GLIS3: variants seen among roughly 807,000 people sequenced by gnomAD.
GLIS3 encodes GLIS family zinc finger 3, also known as zinc finger protein GLIS3.
Under a neutral mutation model 78.6 loss-of-function variants are expected in GLIS3, and 53 were observed. The observed-to-expected ratio is 0.67, with a 90% CI of 0.54 to 0.85. GLIS3 has a LOEUF of 0.85. GLIS3 is among the 40% of genes least tolerant of loss of function. The probability of loss-of-function intolerance (pLI) is 0.00; values close to 1 mark genes in which losing one functional copy is unlikely to be tolerated. For synonymous variants in GLIS3, 684 were observed against 509.9 expected, an observed-to-expected ratio of 1.34 and a Z score of -4.60; for missense variants, 1,703 against 1,231.1, an observed-to-expected ratio of 1.38 and a Z score of -5.74.
At chr9:3,904,491 A>G (rs1474768760) in intron 6 of GLIS3, among the ~76,000 whole-genome samples, 1 of 152,166 alleles carries the variant, frequency 6.6e-6, no homozygotes, top group African/African-American at 2.4e-5. Context: ...CACATAATAT[A>G]TAGATATTTA....
the GLIS3 span, among the ~76,000 whole-genome samples, chr9:4,445,914 T>A: frequency 1.3e-5 from 2 of 152,352 alleles, no homozygotes; most frequent in East Asian, 3.9e-4. Flanking sequence ...ATAGAATTTG[T>A]CTCTAGGTAG....
In GLIS3 at chr9:4,058,816, TA is replaced by T. The variant is rs375934800; in HGVS notation, c.1710+58951del. 3.2e-3 allele frequency among the ~76,000 whole-genome samples: 491 copies of T among 151,736 alleles called. 3 individuals carry two copies. Among genetic ancestry groups the T allele is most frequent in the South Asian group, 0.014 (65 of 4,806 alleles). On this transcript the variant is annotated intron_variant, in intron 4 of 10. Coordinates refer to ENST00000381971, the MANE Select transcript of GLIS3 (RefSeq NM_001042413.2). ...TAACACAGTGAAACCCCATCTCTAC[TA>T]AAAAATACAAAAAAATTAGCCGGGT...
At chr9:3,997,321 G>A (rs966703238) in intron 4 of GLIS3, among the ~76,000 whole-genome samples, 1 of 151,826 alleles carries the variant, frequency 6.6e-6, no homozygotes, top group African/African-American at 2.4e-5. Flanking sequence ...ACCCCAGCCT[G>A]GGCAAGAAGA....
chr9:4,229,364 T>C (rs1029879369), intron 2 of GLIS3, among the ~76,000 whole-genome samples: 2 of 152,238 alleles, frequency 1.3e-5, no homozygotes, highest in Non-Finnish European at 2.9e-5. Flanking sequence ...ATTAAACTAT[T>C]GTACATAAAG....
intron 2 of GLIS3, among the ~76,000 whole-genome samples, chr9:4,240,954 A>AGTGT (rs3063675): frequency 1.7e-4 from 26 of 151,802 alleles, no homozygotes; most frequent in African/African-American, 6.3e-4. Context: ...AATATGTATG[A>AGTGT]GTGTGTGTGT....
In GLIS3 at chr9:3,827,818, G is replaced by A; in HGVS notation, c.*454C>T. On this transcript the variant is annotated 3_prime_UTR_variant, in exon 11 of 11. Transcript: ENST00000381971. ...TTTGGACATGGATTTCCCTTGTTGT[G>A]CCTGGCTTTGCATCAGGAGCAGCAA... 1 of 243,496 alleles carries A rather than the reference G, an allele frequency of 4.1e-6. No homozygotes were observed. Among genetic ancestry groups the A allele is most frequent in the Non-Finnish European group, 8.1e-6 (1 of 123,456 alleles). 15.1% of individuals were successfully genotyped at this position (243,496 alleles called of 1,614,324 possible).
intron 2 of GLIS3, among the ~76,000 whole-genome samples, chr9:4,265,897 GT>G (rs148160187): frequency 1.7e-5 from 2 of 120,696 alleles, no homozygotes; most frequent in African/African-American, 7.3e-5. Context: ...ACTCACCCTG[GT>G]TTTTTTTTTG....
chr9:3,917,424 A>G (rs1824590584), intron 6 of GLIS3, among the ~76,000 whole-genome samples: 1 of 151,984 alleles, frequency 6.6e-6, no homozygotes, highest in South Asian at 2.1e-4. Flanking sequence ...TCCTCTAAAA[A>G]CCCTCCATTG....
chr9:4,377,322 C>T, the GLIS3 span, among the ~76,000 whole-genome samples: 1 of 135,246 alleles, frequency 7.4e-6, no homozygotes, highest in African/African-American at 2.6e-5. Context: ...CATCTTTCTC[C>T]CATGCTGGAT....
In GLIS3 at chr9:4,044,145, T is replaced by TG. The variant is rs78254494; in HGVS notation, c.1710+73622dup. 5.8e-3 allele frequency among the ~76,000 whole-genome samples: 889 copies of TG among 152,252 alleles called. 12 individuals are homozygous for TG. The highest frequency in any genetic ancestry group is 0.027 in the East Asian group (141 of 5,176). The stretch of plus-strand genomic sequence containing the variant: ...CTGAGGATGCCCATCAGAAAGGACA[T>TG]GGGGAGGGAGTCTGTTCAACAGGAG... On this transcript the variant is annotated intron_variant, in intron 4 of 10. Transcript: ENST00000381971.
At chr9:4,411,452 A>T in the GLIS3 span, among the ~76,000 whole-genome samples, 1 of 152,232 alleles carries the variant, frequency 6.6e-6, no homozygotes, top group Admixed American at 6.5e-5. Context: ...TTTTTTAGTT[A>T]TCATGAAAAT....
At chr9:4,425,871 A>G in the GLIS3 span, among the ~76,000 whole-genome samples, 2 of 152,174 alleles carry the variant, frequency 1.3e-5, no homozygotes, top group East Asian at 3.8e-4. Context: ...TTAAACTCTC[A>G]GTTCTGACTT....
intron 8 of GLIS3, among the ~76,000 whole-genome samples, chr9:3,859,409 G>A (rs1297763806): frequency 6.9e-6 from 1 of 144,178 alleles, no homozygotes; most frequent in Non-Finnish European, 1.5e-5. Flanking sequence ...ACATCAAAAT[G>A]AATATGTTCT....
At chr9:4,487,463 C>T in the GLIS3 span, among the ~76,000 whole-genome samples, 7 of 152,116 alleles carry the variant, frequency 4.6e-5, no homozygotes, top group South Asian at 1.5e-3. Context: ...AAAATTTAAG[C>T]CAGGTGCCCA....
At chr9:3,878,556 A>T (rs1821483629) in intron 8 of GLIS3, 2 of 152,180 alleles carry the variant, frequency 1.3e-5, no homozygotes, top group South Asian at 2.1e-4. Context: ...CAAAACTTTT[A>T]TTCCTGCTGC....
chr9:3,866,022 C>T (rs984624473), intron 8 of GLIS3, among the ~76,000 whole-genome samples: 5 of 152,160 alleles, frequency 3.3e-5, no homozygotes, highest in Admixed American at 2.6e-4. Context: ...TGAAGTGGTC[C>T]GAAGCAGATT....
chr9:4,276,678 A>T (rs1827063081), intron 2 of GLIS3, among the ~76,000 whole-genome samples: 1 of 152,176 alleles, frequency 6.6e-6, no homozygotes, highest in African/African-American at 2.4e-5. Context: ...TCTTTTAAAG[A>T]TGTAATGTTA....
intron 4 of GLIS3, among the ~76,000 whole-genome samples, chr9:3,962,852 C>T (rs1817660080): frequency 6.7e-6 from 1 of 150,088 alleles, no homozygotes; most frequent in Admixed American, 6.7e-5. Context: ...TGGCAAATGG[C>T]ATAGTAACGA....
intron 9 of GLIS3, among the ~76,000 whole-genome samples, chr9:3,854,791 G>T (rs1406473681): frequency 6.6e-6 from 1 of 151,504 alleles, no homozygotes. Flanking sequence ...TGATCCACCC[G>T]CCTCGGCCTC....
Sources: gnomAD v4.1 joint callset for allele counts (sites outside exome capture counted in the v4.1 genomes callset) on GRCh38, gnomAD v4.1.1 for gene constraint, MANE v1.5 for transcripts, NCBI Gene and HGNC (gene_info 2026-07-23, HGNC 2026-07-21) for gene names.